HUNK: variants seen among roughly 807,000 people sequenced by gnomAD.
HUNK encodes the protein hormonally up-regulated neu tumor-associated kinase.
Under a neutral mutation model 61.0 loss-of-function variants are expected in HUNK, and 21 were observed. The observed-to-expected ratio is 0.34, with a 90% CI of 0.24 to 0.50. The LOEUF is 0.50. HUNK is among the 20% of genes least tolerant of loss of function. HUNK has a pLI of 0.98. For synonymous variants in HUNK, 371 were observed against 386.1 expected, an observed-to-expected ratio of 0.96 and a Z score of 0.46; for missense variants, 772 against 945.7, an observed-to-expected ratio of 0.82 and a Z score of 2.41.
rs11424112 is a variant in HUNK, at chr21:31,971,830, C to CTT, written c.1011-2709_1011-2708dup. Among the ~76,000 whole-genome samples the CTT allele has an allele frequency of 6.6e-3, 912 of 138,662 alleles. 17 individuals are homozygous for CTT. The highest frequency in any genetic ancestry group is 0.018 in the African/African-American group (684 of 37,666). The allele number at this position is 138,662 out of a possible 152,430, so 91.0% of individuals were successfully genotyped here. ...GCTCCCCTCCTGATCCAGGTGCAGACTTTTTTTTTTTTTTTTTGAGACAAG... is the reference window on the plus strand; with the variant it reads ...GCTCCCCTCCTGATCCAGGTGCAGACTTTTTTTTTTTTTTTTTTTGAGACAAG... On this transcript the variant is annotated intron_variant, in intron 6 of 10. Transcript: ENST00000270112.
chr21:31,921,302 C>T (rs758244461), intron 1 of HUNK, among the ~76,000 whole-genome samples: 3 of 151,524 alleles, frequency 2.0e-5, no homozygotes, highest in Non-Finnish European at 4.4e-5. Context: ...CGCTGTGTGT[C>T]GTGAAGGGGG....
chr21:31,947,571 G>A (rs192440445), intron 4 of HUNK, among the ~76,000 whole-genome samples: 1 of 152,220 alleles, frequency 6.6e-6, no homozygotes, highest in African/African-American at 2.4e-5. Context: ...GACTCTGCAC[G>A]AAGGGAGGGA....
In HUNK at chr21:32,002,349, A is replaced by T. The variant is rs1389159513; in HGVS notation, c.*3165A>T. ...AACGATCTGCCCACCTTGGCCTCCC[A>T]AAGTGCTGAGATTACAGGCGTGAGC... On this transcript the variant is annotated 3_prime_UTR_variant, in exon 11 of 11. Coordinates refer to ENST00000270112, the MANE Select transcript of HUNK (RefSeq NM_014586.2). 1 of 152,292 alleles carries T rather than the reference A, an allele frequency of 6.6e-6. No homozygotes were observed. Among genetic ancestry groups the T allele is most frequent in the African/African-American group, 2.4e-5 (1 of 41,466 alleles). The allele number at this position is 152,292 out of a possible 1,614,324, so 9.4% of individuals were successfully genotyped here.
intron 6 of HUNK, 117 bp from the exon 7 acceptor site, chr21:31,974,438 A>T: frequency 1.0e-6 from 1 of 965,448 alleles, no homozygotes; most frequent in Non-Finnish European, 1.5e-6. Context: ...TTCAAAATAA[A>T]AACTCAAGTC....
At chr21:31,953,181 C>T (rs1378449997) in intron 4 of HUNK, among the ~76,000 whole-genome samples, 1 of 151,782 alleles carries the variant, frequency 6.6e-6, no homozygotes, top group Non-Finnish European at 1.5e-5. Context: ...GATGCTTAAT[C>T]TGGTTTCCCT....
At chr21:31,935,296 T>C (rs1462848698) in intron 2 of HUNK, among the ~76,000 whole-genome samples, 14 of 152,246 alleles carry the variant, frequency 9.2e-5, no homozygotes, top group African/African-American at 3.4e-4. Flanking sequence ...AAGACTTGCA[T>C]AGAAACTATG....
chr21:31,908,420 C>T (rs1256493311), intron 1 of HUNK, among the ~76,000 whole-genome samples: 1 of 151,694 alleles, frequency 6.6e-6, no homozygotes, highest in African/African-American at 2.4e-5. Flanking sequence ...GGAGGCTGGC[C>T]AGGGCAGGGT....
chr21:31,980,665 G>A (rs13433402), intron 7 of HUNK, among the ~76,000 whole-genome samples: 36,696 of 152,056 alleles, frequency 0.24, 4,648 homozygotes, highest in Non-Finnish European at 0.29. Context: ...CCAAAGTGCT[G>A]GGATTACAGG....
chr21:31,996,441 G>A (rs982252643), intron 10 of HUNK, among the ~76,000 whole-genome samples: 1 of 152,156 alleles, frequency 6.6e-6, no homozygotes, highest in Non-Finnish European at 1.5e-5. Flanking sequence ...CCACCTGTTG[G>A]AGCTGTTGGG....
intron 1 of HUNK, among the ~76,000 whole-genome samples, chr21:31,919,470 A>C (rs1055314889): frequency 1.3e-5 from 2 of 152,210 alleles, no homozygotes; most frequent in Admixed American, 6.5e-5. Flanking sequence ...GTGGGAACCA[A>C]CACCAATTGT....
intron 1 of HUNK, among the ~76,000 whole-genome samples, chr21:31,890,196 A>C (rs1053523599): frequency 6.6e-6 from 1 of 151,872 alleles, no homozygotes; most frequent in Non-Finnish European, 1.5e-5. Flanking sequence ...TTACTATACT[A>C]ATCACATTGC....
In HUNK at chr21:31,979,515, C is replaced by CTTTTTTTTTTT. The variant is rs71193166; in HGVS notation, c.1174-3993_1174-3983dup. 2.6e-4 allele frequency among the ~76,000 whole-genome samples: 9 copies of CTTTTTTTTTTT among 34,350 alleles called. 1 individual carries two copies. The highest frequency in any genetic ancestry group is 5.1e-4 in the Non-Finnish European group (9 of 17,590). 22.5% of individuals were successfully genotyped at this position (34,350 alleles called of 152,430 possible). ...TTCTGGCTATTGAGTTGTTTGCATT[C>CTTTTTTTTTTT]TTTTTTTTTTTTTTTTTTTTTTTTT... is the stretch of plus-strand genomic sequence containing the variant. On this transcript the variant is annotated intron_variant, in intron 7 of 10. Transcript: ENST00000270112.
At chr21:31,939,861 C>T (rs2052758294) in intron 2 of HUNK, among the ~76,000 whole-genome samples, 2 of 151,900 alleles carry the variant, frequency 1.3e-5, no homozygotes, top group African/African-American at 4.8e-5. Flanking sequence ...CTCCCCACAC[C>T]CTGGTTCTGC....
intron 4 of HUNK, among the ~76,000 whole-genome samples, chr21:31,946,405 C>G (rs1394994680): frequency 3.3e-5 from 5 of 152,032 alleles, no homozygotes; most frequent in African/African-American, 9.7e-5. Flanking sequence ...AGAAGAAAAC[C>G]ACGTCCTGCC....
In HUNK at chr21:32,000,664, A is replaced by T. The variant is rs2833599; in HGVS notation, c.*1480A>T. The T allele has an allele frequency of 0.74, 296,231 of 398,804 alleles. 110,692 individuals carry two copies. Among genetic ancestry groups the T allele is most frequent in the Non-Finnish European group, 0.77 (174,306 of 226,082 alleles). The allele number at this position is 398,804 out of a possible 1,614,324, so 24.7% of individuals were successfully genotyped here. A position where few individuals can be genotyped will look rare whatever the true frequency, so the allele number is the denominator to read the frequency against. ...CACCTCAGATAGTCATCTCAGTCCA[A>T]GGATCCCAAAACACAAATCTAGAAT... On this transcript the variant is annotated 3_prime_UTR_variant, in exon 11 of 11. Coordinates refer to ENST00000270112, the MANE Select transcript of HUNK (RefSeq NM_014586.2).
chr21:31,937,092 G>A (rs2052737834), intron 2 of HUNK, among the ~76,000 whole-genome samples: 1 of 152,212 alleles, frequency 6.6e-6, no homozygotes, highest in African/African-American at 2.4e-5. Flanking sequence ...GTGTATGCAT[G>A]TGTGTGTTTC....
intron 4 of HUNK, 39 bp from the exon 5 acceptor site, chr21:31,958,804 G>T (rs758406709): frequency 6.5e-7 from 1 of 1,533,790 alleles, no homozygotes; most frequent in Non-Finnish European, 8.8e-7. Context: ...CTCCCCAGGG[G>T]ACCTGACTCC....
At chr21:31,926,932 G>T (rs73350738) in intron 2 of HUNK, among the ~76,000 whole-genome samples, 12,810 of 151,680 alleles carry the variant, frequency 0.084, 575 homozygotes, top group South Asian at 0.17. Flanking sequence ...TGATAATCTA[G>T]CTCTATTTGA....
chr21:31,887,426 C>T (rs559484776), intron 1 of HUNK, among the ~76,000 whole-genome samples: 2 of 152,316 alleles, frequency 1.3e-5, no homozygotes, highest in East Asian at 1.9e-4. Flanking sequence ...AAGCCACATT[C>T]CTGCCAAAAC....
Sources: gnomAD v4.1 joint callset for allele counts (sites outside exome capture counted in the v4.1 genomes callset) on GRCh38, gnomAD v4.1.1 for gene constraint, MANE v1.5 for transcripts, NCBI Gene and HGNC (gene_info 2026-07-23, HGNC 2026-07-21) for gene names.